The following SLC38A6 variants were observed in gnomAD, a reference collection of about 807,000 sequenced individuals.
SLC38A6 encodes the protein N system amino acid transporter NAT-1.
In SLC38A6, 73 loss-of-function variants were observed where a neutral mutation model predicts 65.0. The ratio of observed to expected loss-of-function variants is 1.12; its 90% CI spans 0.93 to 1.37. SLC38A6 has a LOEUF of 1.37. Ranked by LOEUF, SLC38A6 falls within the 40% of genes most tolerant of loss-of-function variation. The pLI is 0.00. For synonymous variants in SLC38A6, 183 were observed against 178.8 expected (o/e 1.02, Z -0.19); for missense variants, 561 against 531.1 (o/e 1.06, Z -0.55).
At chr14:61,025,572 G>A (rs1273940140) in intron 5 of SLC38A6, among the ~76,000 whole-genome samples, 1 of 152,014 alleles carries the variant, frequency 6.6e-6, no homozygotes, top group African/African-American at 2.4e-5. Flanking sequence ...TACTGGTAGT[G>A]TATCTTTTTT....
chr14:61,012,252 C>T (rs1252753968), intron 3 of SLC38A6, among the ~76,000 whole-genome samples: 2 of 152,020 alleles, frequency 1.3e-5, no homozygotes, highest in Non-Finnish European at 2.9e-5. Flanking sequence ...TTTTTTATTG[C>T]ATCTATTTGA....
rs2042563755 is a variant in SLC38A6 at position 61,052,436 on chromosome 14, T to A, written c.*7T>A. 6 of 1,558,380 alleles carry A rather than the reference T, an allele frequency of 3.9e-6. No homozygotes were observed. The highest frequency in any genetic ancestry group is 2.0e-5 in the Admixed American group (1 of 50,632). ...TGATTGGATTAATAAATAAAAGAAA[T>A]ATTTTCCTACTTCTTACAAGAATAA... On this transcript the variant is annotated 3_prime_UTR_variant, in exon 16 of 16. Coordinates refer to ENST00000267488, the MANE Select transcript of SLC38A6 (RefSeq NM_153811.3).
At chr14:61,015,183 G>A (rs772763702) in intron 3 of SLC38A6, among the ~76,000 whole-genome samples, 36 of 152,246 alleles carry the variant, frequency 2.4e-4, no homozygotes, top group Non-Finnish European at 4.9e-4. Context: ...CTCCGAGCCA[G>A]GTGCGGGATA....
chr14:61,023,581 TA>T (rs2040452219), intron 5 of SLC38A6, among the ~76,000 whole-genome samples: 10 of 19,156 alleles, frequency 5.2e-4, no homozygotes, highest in Non-Finnish European at 2.3e-3. Flanking sequence ...ATAATAATAA[TA>T]ATAATAATAT....
intron 3 of SLC38A6, among the ~76,000 whole-genome samples, chr14:61,012,219 C>T (rs570174938): frequency 1.8e-4 from 27 of 152,182 alleles, no homozygotes; most frequent in East Asian, 9.7e-4. Flanking sequence ...TCTGTGGGAT[C>T]GGTGGTGATA....
At chr14:61,075,909 G>A (rs1007779251) in intron 15 of SLC38A6, among the ~76,000 whole-genome samples, 1 of 151,698 alleles carries the variant, frequency 6.6e-6, no homozygotes, top group Non-Finnish European at 1.5e-5. Flanking sequence ...AGACTGGAGT[G>A]CAATGCTGTG....
At chr14:61,017,063 C>T (rs2040058112) in intron 4 of SLC38A6, among the ~76,000 whole-genome samples, 1 of 152,022 alleles carries the variant, frequency 6.6e-6, no homozygotes, top group Non-Finnish European at 1.5e-5. Context: ...TTTTTTCAGA[C>T]AGAGTTTCGC....
intron 16 of SLC38A6, among the ~76,000 whole-genome samples, chr14:61,079,232 G>A (rs2139999269): frequency 6.6e-6 from 1 of 150,878 alleles, no homozygotes; most frequent in African/African-American, 2.4e-5. Flanking sequence ...TGCCTCCCGG[G>A]TTCAAGCGAT....
intron 3 of SLC38A6, among the ~76,000 whole-genome samples, chr14:61,006,065 C>G (rs1359447994): frequency 2.0e-5 from 3 of 152,128 alleles, no homozygotes; most frequent in Non-Finnish European, 4.4e-5. Flanking sequence ...CTGAGAAAAA[C>G]AAGCAATGGG....
In SLC38A6 at chr14:61,030,520, G is replaced by T. The variant is rs759091686; in HGVS notation, c.479G>T (p.Ser160Ile). Residue 160 changes from serine (S) to isoleucine (I), a missense_variant, in exon 6 of 16, where the codon AGT becomes ATT. Coordinates refer to ENST00000267488, the MANE Select transcript of SLC38A6 (RefSeq NM_153811.3). ...AIAEFLTGDYSRYWYLDGQTL... is the reference protein window; with the variant it reads ...AIAEFLTGDYIRYWYLDGQTL... Reference sequence around the variant, plus strand: ...GCAGAATTTTTGACTGGAGACTATAGTAGGTAAGAAAAAGTATTTTACATT... The same window carrying T: ...GCAGAATTTTTGACTGGAGACTATATTAGGTAAGAAAAAGTATTTTACATT... 1.2e-6 allele frequency: 2 copies of T among 1,600,674 alleles called. No homozygotes were observed. The highest frequency in any genetic ancestry group is 1.7e-6 in the Non-Finnish European group (2 of 1,171,364).
chr14:61,043,220 C>T lies in SLC38A6; in HGVS notation c.690+8C>T, dbSNP rs1188338433. On this transcript the variant is annotated splice_region_variant and intron_variant, in intron 9 of 15. Transcript: ENST00000267488. ...GTAGAGAAAGGTTTCCAGGTAATAG[C>T]TTATATTTTCTTTTCAGTTTCTTCC... The T allele has an allele frequency of 3.5e-6, 5 of 1,428,036 alleles. No individual in the cohort carries two copies. The highest frequency in any genetic ancestry group is 3.8e-6 in the Non-Finnish European group (4 of 1,040,034). The allele number at this position is 1,428,036 out of a possible 1,614,324, so 88.5% of individuals were successfully genotyped here. A position where few individuals can be genotyped will look rare whatever the true frequency, so the allele number is the denominator to read the frequency against.
intron 15 of SLC38A6, among the ~76,000 whole-genome samples, chr14:61,067,042 TCAGACCAAC>T (rs2043043996): frequency 1.3e-5 from 2 of 152,218 alleles, no homozygotes; most frequent in Non-Finnish European, 1.5e-5. Flanking sequence ...CTGAACATTT[TCAGACCAAC>T]TTGATAAGTG....
intron 16 of SLC38A6, among the ~76,000 whole-genome samples, chr14:61,082,648 C>T (rs1032990778): frequency 1.3e-5 from 2 of 152,168 alleles, no homozygotes; most frequent in African/African-American, 4.8e-5. Context: ...GTGCCTTCCA[C>T]GTTGCTCAGA....
At chr14:61,030,262 T>C (rs2139659756) in intron 5 of SLC38A6, among the ~76,000 whole-genome samples, 183 bp from the exon 6 acceptor site, 1 of 80,956 alleles carries the variant, frequency 1.2e-5, no homozygotes, top group South Asian at 4.8e-4. Flanking sequence ...CAGTTACTTT[T>C]CTGTGTGTGT....
At chr14:61,049,887 G>C (rs760623929) in intron 12 of SLC38A6, among the ~76,000 whole-genome samples, 9 of 152,120 alleles carry the variant, frequency 5.9e-5, no homozygotes, top group Non-Finnish European at 1.0e-4. Context: ...AGCAAAGCTT[G>C]GTCGGCATGT....
rs1323182249 is a variant in SLC38A6 at position 61,046,144 on chromosome 14, T to A, written c.902T>A (p.Leu301His). Residue 301 changes from leucine (L) to histidine (H), a missense_variant, in exon 12 of 16, where the codon CTC becomes CAC. Transcript: ENST00000267488. The stretch of plus-strand genomic sequence containing the variant: ...TTTCTCATTTATTTTATATCTGCAC[T>A]CTTTGGGTACCTCACTTTTTATGGT... Reference protein sequence around the residue: ...LSFLIYFISALFGYLTFYDKV... With the variant: ...LSFLIYFISAHFGYLTFYDKV... 2.5e-6 allele frequency: 4 copies of A among 1,604,298 alleles called. No homozygotes were observed. The South Asian group carries it at 4.4e-5, about 18-fold the overall frequency.
chr14:61,031,644 G>A (rs1399049505), intron 6 of SLC38A6, among the ~76,000 whole-genome samples: 1 of 151,888 alleles, frequency 6.6e-6, no homozygotes, highest in Non-Finnish European at 1.5e-5. Flanking sequence ...TTTATCTACA[G>A]CTTTATCTAG....
intron 3 of SLC38A6, among the ~76,000 whole-genome samples, chr14:60,989,389 G>T (rs934507260): frequency 6.6e-6 from 1 of 151,952 alleles, no homozygotes; most frequent in Non-Finnish European, 1.5e-5. Flanking sequence ...TGCATCTTTT[G>T]AATATGCCTC....
At chr14:61,082,602 T>C (rs1302273183) in intron 16 of SLC38A6, among the ~76,000 whole-genome samples, 2 of 152,162 alleles carry the variant, frequency 1.3e-5, no homozygotes, top group African/African-American at 4.8e-5. Context: ...CCTGTTTGCT[T>C]GACTGAAGCA....
Sources: allele counts gnomAD v4.1 joint callset (sites outside exome capture counted in the v4.1 genomes callset), GRCh38; gene constraint gnomAD v4.1.1; transcripts MANE v1.5; gene names NCBI Gene and HGNC (gene_info 2026-07-23, HGNC 2026-07-21).